TSPAN19: variants seen among roughly 807,000 people sequenced by gnomAD.
TSPAN19 encodes the protein tetraspanin 19.
Under a neutral mutation model 35.1 loss-of-function variants are expected in TSPAN19, and 44 were observed. That is an observed-to-expected ratio of 1.25 (90% confidence interval 0.98 to 1.61). The LOEUF is 1.61. Among genes scored for constraint, TSPAN19 ranks in the 40% most tolerant of loss-of-function variants. TSPAN19 has a pLI of 0.00. For missense variants in TSPAN19, 290 were observed against 280.0 expected, an observed-to-expected ratio of 1.04 and a Z score of -0.26; for synonymous variants, 79 against 92.0, an observed-to-expected ratio of 0.86 and a Z score of 0.81.
chr12:85,034,680 T>G (rs778459631), intron 1 of TSPAN19, among the ~76,000 whole-genome samples: 1 of 152,196 alleles, frequency 6.6e-6, no homozygotes, highest in Non-Finnish European at 1.5e-5. Context: ...TAAACAACAG[T>G]GTCAAGTTAA....
Position 85,014,326 on chromosome 12 carries a change from G to GA in TSPAN19, c.*160dup, listed in dbSNP as rs1876665359. On this transcript the variant is annotated 3_prime_UTR_variant, in exon 9 of 9. Coordinates refer to ENST00000532498, the MANE Select transcript of TSPAN19 (RefSeq NM_001100917.2). ...AAAAACAAAATTAATATAATTTCAT[G>GA]AATGTTTTATTATAGTATTCAGTAA... 2.0e-6 allele frequency: 1 copy of GA among 498,394 alleles called. No homozygotes were observed. Among genetic ancestry groups the GA allele is most frequent in the Non-Finnish European group, 3.5e-6 (1 of 282,598 alleles). The allele number at this position is 498,394 out of a possible 1,614,324, so 30.9% of individuals were successfully genotyped here. A position where few individuals can be genotyped will look rare whatever the true frequency, so the allele number is the denominator to read the frequency against.
intron 6 of TSPAN19, among the ~76,000 whole-genome samples, chr12:85,018,759 C>G (rs1399043959): frequency 1.3e-5 from 2 of 151,806 alleles, no homozygotes; most frequent in African/African-American, 2.4e-5. Context: ...TGAATCTTGG[C>G]TCTGCCACTT....
intron 5 of TSPAN19, among the ~76,000 whole-genome samples, chr12:85,019,990 T>C (rs901586569): frequency 6.6e-6 from 1 of 151,990 alleles, no homozygotes; most frequent in African/African-American, 2.4e-5. Flanking sequence ...TAATGTGCTA[T>C]TCTCATGCAT....
intron 5 of TSPAN19, among the ~76,000 whole-genome samples, chr12:85,022,627 A>T (rs979557555): frequency 1.3e-5 from 2 of 152,096 alleles, no homozygotes; most frequent in African/African-American, 4.8e-5. Context: ...CAAGTTGGTG[A>T]TCCCTAACCA....
chr12:85,018,040 A>G (rs1876911630), intron 6 of TSPAN19, among the ~76,000 whole-genome samples: 1 of 151,858 alleles, frequency 6.6e-6, no homozygotes, highest in South Asian at 2.1e-4. Context: ...CTACTTTTCT[A>G]GGATTAATGT....
intron 5 of TSPAN19, among the ~76,000 whole-genome samples, chr12:85,022,104 A>G (rs568243787): frequency 1.2e-4 from 19 of 152,174 alleles, no homozygotes; most frequent in Non-Finnish European, 2.5e-4. Flanking sequence ...ATGTTCTATA[A>G]TGAGGTTGAA....
chr12:85,020,191 G>C (rs927343274), intron 5 of TSPAN19, among the ~76,000 whole-genome samples: 3 of 151,390 alleles, frequency 2.0e-5, no homozygotes, highest in Non-Finnish European at 1.5e-5. Context: ...AACTTTAGAA[G>C]TTGTAGAAAA....
At chr12:85,016,439 C>T (rs1036338090) in intron 7 of TSPAN19, 2 of 151,886 alleles carry the variant, frequency 1.3e-5, no homozygotes, top group Non-Finnish European at 2.9e-5. Flanking sequence ...TAAAATAGAA[C>T]AATTATAACA....
intron 5 of TSPAN19, among the ~76,000 whole-genome samples, 164 bp downstream of exon 5, chr12:85,023,162 T>C (rs1489107464): frequency 6.6e-6 from 1 of 152,114 alleles, no homozygotes; most frequent in Non-Finnish European, 1.5e-5. Context: ...ATGTGACTCC[T>C]GGCCCCTTCC....
chr12:85,014,386 T>C lies in TSPAN19; in HGVS notation c.*101A>G. ...ACATATAATTAATAATTTGAATACA[T>C]CTGTTATTTAATACAATTCAAAACG... On this transcript the variant is annotated 3_prime_UTR_variant, in exon 9 of 9. Coordinates refer to ENST00000532498, the MANE Select transcript of TSPAN19 (RefSeq NM_001100917.2). 1.4e-6 allele frequency: 1 copy of C among 707,770 alleles called. No homozygotes were observed. The highest frequency in any genetic ancestry group is 2.3e-6 in the Non-Finnish European group (1 of 426,594). 43.8% of individuals were successfully genotyped at this position (707,770 alleles called of 1,614,324 possible).
chr12:85,024,946 T>C (rs879807696), intron 4 of TSPAN19, among the ~76,000 whole-genome samples: 1 of 152,082 alleles, frequency 6.6e-6, no homozygotes, highest in Non-Finnish European at 1.5e-5. Flanking sequence ...CATCTAATAC[T>C]TTAAAATATC....
chr12:85,033,466 C>T (rs1443270181), intron 1 of TSPAN19, among the ~76,000 whole-genome samples: 1 of 142,056 alleles, frequency 7.0e-6, no homozygotes, highest in African/African-American at 2.7e-5. Flanking sequence ...GGAATGGAAA[C>T]AGTATCACAA....
At position 85,032,649 on chromosome 12, in the gene TSPAN19, A is replaced by C. The variant is rs183669687; in HGVS notation, c.-27-2676T>G. ...CAAAGAATGGTAAAATGAGATGTTC[A>C]TGTGTTGGCTTTTTCAGCCATAAGC... On this transcript the variant is annotated intron_variant, in intron 1 of 8. Coordinates refer to ENST00000532498, the MANE Select transcript of TSPAN19 (RefSeq NM_001100917.2). Among the ~76,000 whole-genome samples the C allele has an allele frequency of 2.4e-4, 37 of 152,306 alleles. 1 individual carries two copies. In the East Asian group the frequency reaches 6.4e-3, roughly 26 times the overall value.
At chr12:85,014,643 C>G in intron 8 of TSPAN19, 88 bp from the exon 9 acceptor site, 3 of 947,370 alleles carry the variant, frequency 3.2e-6, no homozygotes, top group Non-Finnish European at 4.8e-6. Flanking sequence ...CACCAAAATG[C>G]GTATTGTAAA....
intron 3 of TSPAN19, 40 bp downstream of exon 3, chr12:85,029,679 T>A (rs1215195767): frequency 3.5e-6 from 5 of 1,416,676 alleles, no homozygotes; most frequent in Non-Finnish European, 4.8e-6. Flanking sequence ...AAAAATTGAA[T>A]GTCTATTTCA....
intron 5 of TSPAN19, among the ~76,000 whole-genome samples, chr12:85,021,210 A>G (rs1440280591): frequency 6.6e-6 from 1 of 152,038 alleles, no homozygotes; most frequent in Non-Finnish European, 1.5e-5. Flanking sequence ...ACTTTTGTTT[A>G]CAAGGAGCTG....
At chr12:85,015,793 C>A in intron 8 of TSPAN19, 95 bp downstream of exon 8, 1 of 859,858 alleles carries the variant, frequency 1.2e-6, no homozygotes, top group Non-Finnish European at 1.8e-6. Context: ...ATTATATGAA[C>A]TTATCTGATT....
chr12:85,017,747 C>T (rs2135793778), intron 6 of TSPAN19, 148 bp from the exon 7 acceptor site: 1 of 599,974 alleles, frequency 1.7e-6, no homozygotes, highest in Non-Finnish European at 2.8e-6. Flanking sequence ...TATATCTGTG[C>T]TTGTTTAATT....
At chr12:85,028,199 C>T (rs1017925943) in intron 3 of TSPAN19, among the ~76,000 whole-genome samples, 176 bp from the exon 4 acceptor site, 13 of 152,154 alleles carry the variant, frequency 8.5e-5, no homozygotes, top group Admixed American at 6.6e-4. Flanking sequence ...CATGTACCAG[C>T]TCTTACTTTT....
Sources: allele counts gnomAD v4.1 joint callset (sites outside exome capture counted in the v4.1 genomes callset), GRCh38; gene constraint gnomAD v4.1.1; transcripts MANE v1.5; gene names NCBI Gene and HGNC (gene_info 2026-07-23, HGNC 2026-07-21).